The following FBXL7 variants were observed in gnomAD, a reference collection of about 807,000 sequenced individuals.
The protein encoded by FBXL7 is F-box/LRR-repeat protein 7.
A neutral mutation model predicts 38.3 loss-of-function variants in FBXL7; 12 were observed. The observed-to-expected ratio is 0.31, with a 90% CI of 0.20 to 0.51. The LOEUF is 0.51. FBXL7 is among the 20% of genes least tolerant of loss of function. The pLI, the probability that FBXL7 is intolerant of heterozygous loss-of-function variation, is 0.98. For synonymous variants in FBXL7, 297 were observed against 300.9 expected, an observed-to-expected ratio of 0.99 and a Z score of 0.13; for missense variants, 567 against 676.4, an observed-to-expected ratio of 0.84 and a Z score of 1.79.
chr5:15,878,291 T>C lies in FBXL7; in HGVS notation c.128-49599T>C, dbSNP rs56936185. Among the ~76,000 whole-genome samples the C allele has an allele frequency of 9.2e-5, 14 of 152,320 alleles. No individual in the cohort carries two copies. The East Asian group carries it at 2.7e-3, about 29-fold the overall frequency. On this transcript the variant is annotated intron_variant, in intron 2 of 3. Coordinates refer to ENST00000504595, the MANE Select transcript of FBXL7 (RefSeq NM_012304.5). ...CTGTTTAGGGAGATGTCAATATTTC[T>C]GTCAATAAACTCCTGATACTTATAC...
chr5:15,721,567 C>CGA (rs1314217380), intron 2 of FBXL7, among the ~76,000 whole-genome samples: 2 of 152,064 alleles, frequency 1.3e-5, no homozygotes, highest in East Asian at 3.9e-4. Context: ...GCATCATCCT[C>CGA]GAGTCTCTAT....
intron 1 of FBXL7, among the ~76,000 whole-genome samples, chr5:15,541,479 A>ATATG (rs1274636260): frequency 7.6e-6 from 1 of 132,170 alleles, no homozygotes; most frequent in African/African-American, 2.8e-5. Context: ...ATATATATAT[A>ATATG]TAAAGGTATA....
chr5:15,766,319 A>C (rs775181482), intron 2 of FBXL7, among the ~76,000 whole-genome samples: 3 of 152,210 alleles, frequency 2.0e-5, no homozygotes, highest in Non-Finnish European at 2.9e-5. Context: ...TGAATGTAGT[A>C]GTGCTTTGGT....
chr5:15,635,615 C>A (rs191436366), intron 2 of FBXL7, among the ~76,000 whole-genome samples: 23 of 152,176 alleles, frequency 1.5e-4, no homozygotes, highest in Admixed American at 1.4e-3. Context: ...AGGGGTAGCC[C>A]TAGAGCTGGA....
intron 2 of FBXL7, among the ~76,000 whole-genome samples, chr5:15,795,609 TCA>T (rs1175208266): frequency 6.6e-6 from 1 of 152,212 alleles, no homozygotes; most frequent in Non-Finnish European, 1.5e-5. Context: ...AAGGACTCAG[TCA>T]CAGAGTTATC....
intron 1 of FBXL7, among the ~76,000 whole-genome samples, chr5:15,511,562 T>A (rs539271921): frequency 4.6e-5 from 7 of 152,370 alleles, no homozygotes; most frequent in African/African-American, 1.7e-4. Context: ...TGGGGAATTA[T>A]CTCAACATAT....
At chr5:15,812,347 G>A (rs1315387700) in intron 2 of FBXL7, among the ~76,000 whole-genome samples, 3 of 152,034 alleles carry the variant, frequency 2.0e-5, no homozygotes, top group East Asian at 1.9e-4. Flanking sequence ...GGGAAATGGG[G>A]GACAAGTGGG....
chr5:15,821,280 T>A (rs1318556934), intron 2 of FBXL7, among the ~76,000 whole-genome samples: 2 of 152,230 alleles, frequency 1.3e-5, no homozygotes, highest in Non-Finnish European at 2.9e-5. Flanking sequence ...ATAAATTAAT[T>A]TTTTTAGGTT....
chr5:15,868,960 G>A (rs961007476), intron 2 of FBXL7, among the ~76,000 whole-genome samples: 4 of 152,062 alleles, frequency 2.6e-5, no homozygotes, highest in Admixed American at 6.5e-5. Context: ...CAAACAATAC[G>A]TACTTACTCT....
Position 15,765,927 on chromosome 5 carries a change from A to G in FBXL7, c.127+149855A>G, listed in dbSNP as rs143863013. On this transcript the variant is annotated intron_variant, in intron 2 of 3. Transcript: ENST00000504595. The stretch of plus-strand genomic sequence containing the variant: ...GCCTCTCTCACGTGACCATGCTTAC[A>G]GTGTACAGCGGCTTCCTGGTTTCAG... Among the ~76,000 whole-genome samples the G allele has an allele frequency of 4.7e-3, 713 of 152,214 alleles. 4 individuals are homozygous for G. Among genetic ancestry groups the G allele is most frequent in the African/African-American group, 0.016 (680 of 41,528 alleles).
In FBXL7 at chr5:15,655,395, G is replaced by A. The variant is rs976291654; in HGVS notation, c.127+39323G>A. Among the ~76,000 whole-genome samples the A allele has an allele frequency of 3.3e-5, 5 of 151,922 alleles. No individual in the cohort carries two copies. In the South Asian group the frequency reaches 8.3e-4, roughly 25 times the overall value. The stretch of plus-strand genomic sequence containing the variant: ...CTTGTAGGCAGCTACTTGGAAGGCC[G>A]AGGCAGGAGAATCGCTTGAACCCAG... On this transcript the variant is annotated intron_variant, in intron 2 of 3. Coordinates refer to ENST00000504595, the MANE Select transcript of FBXL7 (RefSeq NM_012304.5).
intron 2 of FBXL7, among the ~76,000 whole-genome samples, chr5:15,774,439 T>C (rs906278671): frequency 6.6e-6 from 1 of 152,206 alleles, no homozygotes; most frequent in African/African-American, 2.4e-5. Context: ...TATATTGATG[T>C]AGATATGGTT....
At chr5:15,716,934 C>T (rs1436558505) in intron 2 of FBXL7, among the ~76,000 whole-genome samples, 1 of 152,090 alleles carries the variant, frequency 6.6e-6, no homozygotes, top group Non-Finnish European at 1.5e-5. Context: ...GCGGTCTAGT[C>T]TTATTTCCAA....
intron 2 of FBXL7, among the ~76,000 whole-genome samples, chr5:15,893,586 C>CT (rs199627745): frequency 1.3e-5 from 2 of 148,830 alleles, no homozygotes; most frequent in Non-Finnish European, 3.0e-5. Flanking sequence ...TCTGAATGTA[C>CT]TTTTTTTTTT....
chr5:15,599,042 C>G (rs1469824973), intron 1 of FBXL7, among the ~76,000 whole-genome samples: 1 of 152,148 alleles, frequency 6.6e-6, no homozygotes, highest in Non-Finnish European at 1.5e-5. Context: ...TTTATACTTT[C>G]TCTGTTTCTC....
intron 1 of FBXL7, among the ~76,000 whole-genome samples, chr5:15,554,290 TC>T (rs377511967): frequency 5.1e-4 from 77 of 152,228 alleles, no homozygotes; most frequent in African/African-American, 1.8e-3. Flanking sequence ...GGTCTTTATA[TC>T]CTTCCTCACT....
At chr5:15,918,093 G>T (rs1222724566) in intron 2 of FBXL7, among the ~76,000 whole-genome samples, 5 of 152,050 alleles carry the variant, frequency 3.3e-5, no homozygotes, top group African/African-American at 1.2e-4. Flanking sequence ...ACAAAAATTA[G>T]CTGGGCATGG....
At chr5:15,548,112 A>G (rs546883092) in intron 1 of FBXL7, among the ~76,000 whole-genome samples, 1 of 152,360 alleles carries the variant, frequency 6.6e-6, no homozygotes, top group African/African-American at 2.4e-5. Context: ...AGACTATCTT[A>G]GGAGTGCTCT....
At chr5:15,537,100 T>C (rs1202363459) in intron 1 of FBXL7, among the ~76,000 whole-genome samples, 1 of 152,218 alleles carries the variant, frequency 6.6e-6, no homozygotes, top group African/African-American at 2.4e-5. Context: ...TCATGAGAAG[T>C]TTCCTGAGGA....
Sources: gnomAD v4.1 joint callset for allele counts (sites outside exome capture counted in the v4.1 genomes callset) on GRCh38, gnomAD v4.1.1 for gene constraint, MANE v1.5 for transcripts, NCBI Gene and HGNC (gene_info 2026-07-23, HGNC 2026-07-21) for gene names.